The following SERPINB12 variants were observed in gnomAD, a reference collection of about 807,000 sequenced individuals.
SERPINB12 encodes serpin family B member 12.
A neutral mutation model predicts 41.1 loss-of-function variants in SERPINB12; 57 were observed. That is an observed-to-expected ratio of 1.39 (90% confidence interval 1.12 to 1.73). The LOEUF (loss-of-function observed/expected upper bound fraction) is 1.73. Among genes scored for constraint, SERPINB12 ranks in the 40% most tolerant of loss-of-function variants. SERPINB12 has a pLI of 0.00. For missense variants in SERPINB12, 536 were observed against 501.9 expected, an observed-to-expected ratio of 1.07 and a Z score of -0.65; for synonymous variants, 180 against 181.3, an observed-to-expected ratio of 0.99 and a Z score of 0.06.
chr18:63,521,978 G>C, the SERPINB12 span, among the ~76,000 whole-genome samples: 2 of 152,172 alleles, frequency 1.3e-5, no homozygotes, highest in Admixed American at 6.6e-5. Context: ...AAAGCAATAG[G>C]TAGGACTACA....
At chr18:63,551,012 G>A (rs1437037770) in intron 1 of SERPINB12, among the ~76,000 whole-genome samples, 1 of 152,090 alleles carries the variant, frequency 6.6e-6, no homozygotes, top group Admixed American at 6.5e-5. Flanking sequence ...GTTCACGCCT[G>A]TAATCCCAGC....
At chr18:63,554,368 C>T (rs556369465) in intron 1 of SERPINB12, among the ~76,000 whole-genome samples, 4 of 152,320 alleles carry the variant, frequency 2.6e-5, no homozygotes, top group African/African-American at 9.6e-5. Flanking sequence ...ATGTTAGACA[C>T]ATTTTTTAAA....
rs778334437 is a variant in SERPINB12 at position 63,561,209 on chromosome 18, A to G, written c.562+7A>G. ...GTTGAATGTCAATCCCAAGGTAAGA[A>G]AGCCCAAAAGCACGGGAGCTGGTAT... On this transcript the variant is annotated splice_region_variant and intron_variant, in intron 5 of 7. Transcript: ENST00000382768. 6.5e-7 allele frequency: 1 copy of G among 1,536,604 alleles called. No homozygotes were observed. The highest frequency in any genetic ancestry group is 1.1e-5 in the South Asian group (1 of 88,928).
Position 63,566,736 on chromosome 18 carries a change from C to T in SERPINB12, c.1003C>T (p.Gln335Ter). 2 of 1,614,148 alleles carry T rather than the reference C, an allele frequency of 1.2e-6. No homozygotes were observed. Among genetic ancestry groups the T allele is most frequent in the Non-Finnish European group, 8.5e-7 (1 of 1,180,024 alleles). ...EDSYDLNSILQDMGITDIFDE... is the reference protein window; with the variant it reads ...EDSYDLNSIL ...CAGCTATGATCTCAATTCCATTTTA[C>T]AAGACATGGGCATTACGGATATCTT... The change falls in exon 8 of 8, where the codon CAA (glutamine) becomes TAA (stop). Residue 335 changes from glutamine to a stop codon, truncating the protein, a stop_gained. Coordinates refer to ENST00000382768, the MANE Select transcript of SERPINB12 (RefSeq NM_001307928.2). LOFTEE classifies it high-confidence loss of function.
chr18:63,538,909 C>A (rs1003668101), upstream of SERPINB12, among the ~76,000 whole-genome samples: 1 of 152,122 alleles, frequency 6.6e-6, no homozygotes, highest in African/African-American at 2.4e-5. Flanking sequence ...CGGTATCTCA[C>A]TGTAGTTTTA....
At chr18:63,524,786 G>A in the SERPINB12 span, among the ~76,000 whole-genome samples, 1 of 112,252 alleles carries the variant, frequency 8.9e-6, no homozygotes, top group Non-Finnish European at 1.8e-5. Context: ...GTCTTGCTCT[G>A]TCACCCAGGC....
Position 63,564,157 on chromosome 18 carries a change from A to G in SERPINB12, c.705+37A>G, listed in dbSNP as rs1193082394. On this transcript the variant is annotated intron_variant, in intron 6 of 7. Transcript: ENST00000382768. ...GAACTCATGGTTTTCTAGCTAGCCA[A>G]CTCATAATTTCCACTAGGAATGATT... The G allele has an allele frequency of 1.9e-6, 3 of 1,588,608 alleles. 1 individual carries two copies. The highest frequency in any genetic ancestry group is 1.7e-6 in the Non-Finnish European group (2 of 1,167,012).
At chr18:63,538,595 A>T (rs1910216827), upstream of SERPINB12, among the ~76,000 whole-genome samples, 1 of 152,146 alleles carries the variant, frequency 6.6e-6, no homozygotes, top group Non-Finnish European at 1.5e-5. Context: ...TTGACAGTTG[A>T]TGGATATTTG....
chr18:63,555,941 C>G (rs1215292885), intron 1 of SERPINB12, among the ~76,000 whole-genome samples: 2 of 152,142 alleles, frequency 1.3e-5, no homozygotes, highest in Non-Finnish European at 2.9e-5. Flanking sequence ...ATTCACACTA[C>G]TAAATGAAAA....
At chr18:63,559,297 G>A (rs1234405546) in intron 3 of SERPINB12, among the ~76,000 whole-genome samples, 1 of 151,846 alleles carries the variant, frequency 6.6e-6, no homozygotes, top group South Asian at 2.1e-4. Flanking sequence ...AAATCAGAGT[G>A]TGTCAGTCTG....
chr18:63,556,463 T>C (rs887680920), intron 2 of SERPINB12, 136 bp downstream of exon 2: 1 of 631,860 alleles, frequency 1.6e-6, no homozygotes, highest in South Asian at 3.7e-5. Context: ...TGTCTCTGAG[T>C]CTTTATTTGT....
intron 1 of SERPINB12, among the ~76,000 whole-genome samples, chr18:63,543,926 A>G (rs1910327713): frequency 6.6e-6 from 1 of 152,134 alleles, no homozygotes; most frequent in South Asian, 2.1e-4. Context: ...CAAAATGTAC[A>G]TTTTAGATTT....
the SERPINB12 span, among the ~76,000 whole-genome samples, chr18:63,531,904 C>T: frequency 2.0e-5 from 3 of 152,192 alleles, no homozygotes; most frequent in Admixed American, 2.0e-4. Flanking sequence ...TTGAGCCCCT[C>T]TAGCCAGTAT....
In SERPINB12 at chr18:63,556,133, TG is replaced by T; in HGVS notation, c.-18-7del. On this transcript the variant is annotated splice_polypyrimidine_tract_variant and splice_region_variant and intron_variant, in intron 1 of 7. Transcript: ENST00000382768. Reference sequence around the variant, plus strand: ...CCATTTTCTCTTTCTCCTTTTTTTTTGGTTTTAGATCGTTATAAGTTTTACA... The same window carrying T: ...CCATTTTCTCTTTCTCCTTTTTTTTTGTTTTAGATCGTTATAAGTTTTACA... 1 of 1,574,816 alleles carries T rather than the reference TG, an allele frequency of 6.3e-7. No homozygotes were observed. Among genetic ancestry groups the T allele is most frequent in the Admixed American group, 1.9e-5 (1 of 53,180 alleles).
At chr18:63,548,638 C>T (rs1279517470) in intron 1 of SERPINB12, among the ~76,000 whole-genome samples, 1 of 151,512 alleles carries the variant, frequency 6.6e-6, no homozygotes, top group Non-Finnish European at 1.5e-5. Context: ...TGATCAAGAC[C>T]TCAATAGATA....
chr18:63,565,029 T>TA (rs1226195789), intron 6 of SERPINB12, among the ~76,000 whole-genome samples: 2 of 151,464 alleles, frequency 1.3e-5, no homozygotes, highest in African/African-American at 2.4e-5. Context: ...CTACAAAAAA[T>TA]AAAAAAAATT....
the SERPINB12 span, among the ~76,000 whole-genome samples, chr18:63,533,050 C>T: frequency 6.6e-6 from 1 of 152,122 alleles, no homozygotes; most frequent in Non-Finnish European, 1.5e-5. Flanking sequence ...GCAATCTCAG[C>T]TCACAGCAAC....
chr18:63,538,820 T>G (rs752755612), upstream of SERPINB12, among the ~76,000 whole-genome samples: 3 of 152,234 alleles, frequency 2.0e-5, no homozygotes, highest in Non-Finnish European at 4.4e-5. Context: ...CTATATATGA[T>G]GGTTCCAATT....
chr18:63,563,409 A>G (rs1415507972), intron 5 of SERPINB12, among the ~76,000 whole-genome samples: 2 of 152,170 alleles, frequency 1.3e-5, no homozygotes, highest in African/African-American at 4.8e-5. Context: ...TTCCAAACAC[A>G]AGCAATACAG....
Sources: allele counts gnomAD v4.1 joint callset (sites outside exome capture counted in the v4.1 genomes callset), GRCh38; gene constraint gnomAD v4.1.1; transcripts MANE v1.5; gene names NCBI Gene and HGNC (gene_info 2026-07-23, HGNC 2026-07-21).